RASA2: variants seen among roughly 807,000 people sequenced by gnomAD.
The protein encoded by RASA2 is RAS p21 protein activator 2.
A neutral mutation model predicts 118.2 loss-of-function variants in RASA2; 155 were observed. The observed-to-expected ratio is 1.31, with a 90% CI of 1.15 to 1.50. The LOEUF (loss-of-function observed/expected upper bound fraction) is 1.50. Ranked by LOEUF, RASA2 falls within the 40% of genes most tolerant of loss-of-function variation. RASA2 has a pLI of 0.00. For missense variants in RASA2, 1,016 were observed against 1,009.6 expected (o/e 1.01, Z -0.09); for synonymous variants, 353 against 349.1 (o/e 1.01, Z -0.12).
Position 141,607,675 on chromosome 3 carries a change from T to C in RASA2, c.1934-3T>C, listed in dbSNP as rs1433479447. 1 of 1,567,424 alleles carries C rather than the reference T, an allele frequency of 6.4e-7. No homozygotes were observed. The highest frequency in any genetic ancestry group is 2.1e-5 in the Admixed American group (1 of 48,778). On this transcript the variant is annotated splice_polypyrimidine_tract_variant and splice_region_variant and intron_variant, in intron 19 of 23. Coordinates refer to ENST00000286364, the MANE Select transcript of RASA2 (RefSeq NM_006506.5). ...ATTTTGTTTTACTTTTTTTATTATT[T>C]AGGCAAAGATGCAATCTACACAATC...
At chr3:141,601,221 G>A (rs566125897) in intron 19 of RASA2, among the ~76,000 whole-genome samples, 1 of 152,122 alleles carries the variant, frequency 6.6e-6, no homozygotes, top group Non-Finnish European at 1.5e-5. Context: ...GATCTCAAGA[G>A]TTCAAGACCA....
intron 3 of RASA2, among the ~76,000 whole-genome samples, chr3:141,520,822 C>T (rs778172681): frequency 4.6e-5 from 7 of 151,864 alleles, no homozygotes; most frequent in Non-Finnish European, 8.8e-5. Flanking sequence ...GAATAGGGAG[C>T]GGTTAGAGGC....
At chr3:141,604,095 A>G (rs528873232) in intron 19 of RASA2, among the ~76,000 whole-genome samples, 10 of 152,290 alleles carry the variant, frequency 6.6e-5, no homozygotes, top group Non-Finnish European at 1.3e-4. Context: ...CATGGTATAT[A>G]CGTAGGAGTG....
chr3:141,513,024 T>C (rs1334988518), intron 2 of RASA2, among the ~76,000 whole-genome samples: 2 of 150,694 alleles, frequency 1.3e-5, no homozygotes, highest in Middle Eastern at 3.4e-3. Context: ...GATTATGCCA[T>C]TGGACTCTAG....
At chr3:141,589,668 C>G (rs1228717381) in intron 19 of RASA2, among the ~76,000 whole-genome samples, 2 of 152,058 alleles carry the variant, frequency 1.3e-5, no homozygotes, top group East Asian at 1.9e-4. Context: ...CGGTGAAACC[C>G]CATGTCTACC....
intron 3 of RASA2, among the ~76,000 whole-genome samples, chr3:141,521,704 T>TCC (rs1301391295): frequency 6.6e-6 from 1 of 152,168 alleles, no homozygotes; most frequent in African/African-American, 2.4e-5. Flanking sequence ...GATAACTTTT[T>TCC]CTTAAATGTT....
chr3:141,536,805 T>C (rs1227931701), intron 4 of RASA2, among the ~76,000 whole-genome samples: 1 of 148,600 alleles, frequency 6.7e-6, no homozygotes. Context: ...TGGAGTGCAA[T>C]GGTGTGATCT....
intron 14 of RASA2, 34 bp from the exon 15 acceptor site, chr3:141,576,966 T>G (rs200984539): frequency 1.5e-6 from 2 of 1,349,082 alleles, no homozygotes; most frequent in Non-Finnish European, 2.1e-6. Flanking sequence ...TTAATTGTTT[T>G]TGTGCATGAC....
At chr3:141,581,974 T>G (rs927663753) in intron 17 of RASA2, among the ~76,000 whole-genome samples, 1 of 152,186 alleles carries the variant, frequency 6.6e-6, no homozygotes, top group Admixed American at 6.5e-5. Context: ...AAGTACTCTA[T>G]CCCATATAGT....
intron 17 of RASA2, among the ~76,000 whole-genome samples, chr3:141,582,475 A>G (rs2083130864): frequency 6.6e-6 from 1 of 152,262 alleles, no homozygotes; most frequent in South Asian, 2.1e-4. Flanking sequence ...TTGTTTTTCC[A>G]TGTTTTGTGA....
intron 5 of RASA2, among the ~76,000 whole-genome samples, chr3:141,551,347 G>A (rs1161457682): frequency 6.6e-6 from 1 of 152,160 alleles, no homozygotes; most frequent in Non-Finnish European, 1.5e-5. Context: ...TTCTACTGTG[G>A]CTGATGGTAC....
chr3:141,596,354 C>T (rs562390920), intron 19 of RASA2, among the ~76,000 whole-genome samples: 6 of 152,204 alleles, frequency 3.9e-5, no homozygotes, highest in Admixed American at 2.6e-4. Context: ...TTGTGGGATA[C>T]AGCTAAAACA....
chr3:141,592,916 C>G (rs2083309384), intron 19 of RASA2, among the ~76,000 whole-genome samples: 1 of 147,674 alleles, frequency 6.8e-6, no homozygotes, highest in Non-Finnish European at 1.5e-5. Flanking sequence ...TAGAAAAAAC[C>G]AAGAGTCCTG....
At chr3:141,556,196 C>A (rs2082647487) in intron 7 of RASA2, among the ~76,000 whole-genome samples, 1 of 152,206 alleles carries the variant, frequency 6.6e-6, no homozygotes, top group South Asian at 2.1e-4. Context: ...CTTACCCTAC[C>A]CAGCTCCCTA....
At chr3:141,600,110 A>G (rs1266066732) in intron 19 of RASA2, among the ~76,000 whole-genome samples, 1 of 152,192 alleles carries the variant, frequency 6.6e-6, no homozygotes, top group Non-Finnish European at 1.5e-5. Context: ...AAATCAGGGA[A>G]TGAAGTTTTC....
chr3:141,548,162 C>G (rs1436498586), intron 5 of RASA2, among the ~76,000 whole-genome samples: 1 of 152,030 alleles, frequency 6.6e-6, no homozygotes, highest in Non-Finnish European at 1.5e-5. Context: ...TGATGTATCT[C>G]TCTCTGGTTT....
chr3:141,535,431 T>TA (rs2082314079), intron 4 of RASA2, among the ~76,000 whole-genome samples: 1 of 152,204 alleles, frequency 6.6e-6, no homozygotes, highest in Non-Finnish European at 1.5e-5. Flanking sequence ...TGTTTTGTGA[T>TA]AAAAACAAAA....
intron 4 of RASA2, among the ~76,000 whole-genome samples, chr3:141,531,610 T>G (rs546802841): frequency 1.3e-4 from 20 of 152,048 alleles, no homozygotes; most frequent in Middle Eastern, 6.8e-3. Context: ...ACATGAAAAT[T>G]GGGGAAGCAA....
chr3:141,510,596 G>A (rs540749290), intron 1 of RASA2, among the ~76,000 whole-genome samples: 9 of 152,320 alleles, frequency 5.9e-5, no homozygotes, highest in Admixed American at 1.3e-4. Flanking sequence ...GAATATGGTA[G>A]CAGAACTATG....
Sources: gnomAD v4.1 joint callset for allele counts (sites outside exome capture counted in the v4.1 genomes callset) on GRCh38, gnomAD v4.1.1 for gene constraint, MANE v1.5 for transcripts, NCBI Gene and HGNC (gene_info 2026-07-23, HGNC 2026-07-21) for gene names.